ACSM3: variants seen among roughly 807,000 people sequenced by gnomAD.
The protein encoded by ACSM3 is acyl-CoA synthetase medium chain family member 3.
Under a neutral mutation model 74.1 loss-of-function variants are expected in ACSM3, and 61 were observed. The observed-to-expected ratio is 0.82, with a 90% CI of 0.67 to 1.02. ACSM3 has a LOEUF of 1.02. ACSM3 is among the 50% of genes least tolerant of loss of function. The pLI is 0.00. For synonymous variants in ACSM3, 213 were observed against 241.5 expected (o/e 0.88, Z 1.09); for missense variants, 660 against 697.0 (o/e 0.95, Z 0.60).
chr16:20,718,071 G>A (rs1431035398), intron 1 of ACSM3, among the ~76,000 whole-genome samples: 1 of 150,876 alleles, frequency 6.6e-6, no homozygotes, highest in Non-Finnish European at 1.5e-5. Flanking sequence ...TTTTTAGCAG[G>A]GACTGATCTT....
chr16:20,681,011 A>G (rs2152306985), intron 1 of ACSM3: 1 of 152,350 alleles, frequency 6.6e-6, no homozygotes, highest in East Asian at 1.9e-4. Flanking sequence ...AATAGACACA[A>G]ATGTCAAAAA....
At chr16:20,742,109 G>A (rs1458810199) in intron 1 of ACSM3, 1 of 1,219,804 alleles carries the variant, frequency 8.2e-7, no homozygotes, top group Admixed American at 3.3e-5. Flanking sequence ...AATTCTGCCA[G>A]CTACTGTGGA....
chr16:20,734,498 TAGG>T (rs144643260), intron 1 of ACSM3: 3,000 of 152,380 alleles, frequency 0.02, 53 homozygotes, highest in Non-Finnish European at 0.03. Flanking sequence ...AACCACCAGC[TAGG>T]AGGATAAAAA....
intron 1 of ACSM3, among the ~76,000 whole-genome samples, chr16:20,705,343 AGC>A (rs2079723970): frequency 6.7e-6 from 1 of 149,174 alleles, no homozygotes; most frequent in African/African-American, 2.5e-5. Flanking sequence ...ACTGCACTCC[AGC>A]CTGGGCGACA....
intron 10 of ACSM3, among the ~76,000 whole-genome samples, chr16:20,791,408 A>G (rs1384988294): frequency 6.6e-6 from 1 of 152,226 alleles, no homozygotes; most frequent in East Asian, 1.9e-4. Flanking sequence ...TTAGCAAAAG[A>G]CTTAATTTAG....
upstream of ACSM3, among the ~76,000 whole-genome samples, chr16:20,763,315 T>C (rs1317640042): frequency 6.6e-6 from 1 of 152,162 alleles, no homozygotes; most frequent in Non-Finnish European, 1.5e-5. Context: ...AGGGAAGAGT[T>C]ATTTAATAAG....
chr16:20,689,096 T>C (rs2079606946), intron 1 of ACSM3, among the ~76,000 whole-genome samples: 2 of 143,568 alleles, frequency 1.4e-5, no homozygotes, highest in Admixed American at 1.4e-4. Flanking sequence ...ATCAATAACA[T>C]AAAGTGTGGG....
intron 1 of ACSM3, chr16:20,682,351 C>T (rs2079463855): frequency 3.1e-6 from 5 of 1,613,900 alleles, no homozygotes; most frequent in Admixed American, 1.7e-5. Flanking sequence ...CTATGGAGTC[C>T]ACCTCTGAGG....
intron 1 of ACSM3, chr16:20,741,753 T>G (rs1381826605): frequency 1.3e-6 from 2 of 1,559,864 alleles, no homozygotes; most frequent in African/African-American, 1.4e-5. Flanking sequence ...GTGCGCAAAC[T>G]GAGAGGAAAG....
At chr16:20,730,286 A>G (rs991660327) in intron 1 of ACSM3, among the ~76,000 whole-genome samples, 4 of 152,204 alleles carry the variant, frequency 2.6e-5, no homozygotes, top group African/African-American at 9.6e-5. Flanking sequence ...GACAACTGTC[A>G]TGGAACTCAG....
chr16:20,777,736 A>G (rs2080273436), intron 4 of ACSM3, among the ~76,000 whole-genome samples, 156 bp downstream of exon 4: 1 of 152,240 alleles, frequency 6.6e-6, no homozygotes, highest in Admixed American at 6.5e-5. Context: ...TAAACTCTGA[A>G]GTAGGAAGGA....
At chr16:20,725,996 A>G (rs1340102615) in intron 1 of ACSM3, among the ~76,000 whole-genome samples, 1 of 151,904 alleles carries the variant, frequency 6.6e-6, no homozygotes, top group Non-Finnish European at 1.5e-5. Flanking sequence ...GTCCCTAGAC[A>G]CTGCCTAATG....
intron 2 of ACSM3, among the ~76,000 whole-genome samples, chr16:20,752,637 G>A (rs1364445986): frequency 2.0e-5 from 3 of 152,174 alleles, no homozygotes; most frequent in Non-Finnish European, 2.9e-5. Flanking sequence ...GGTAGGGGTC[G>A]AGGGAGATTA....
At chr16:20,787,895 G>A (rs193007181) in intron 9 of ACSM3, among the ~76,000 whole-genome samples, 1 of 152,176 alleles carries the variant, frequency 6.6e-6, no homozygotes, top group Non-Finnish European at 1.5e-5. Flanking sequence ...AATACATCCT[G>A]AAGAACCACC....
At position 20,777,368 on chromosome 16, in the gene ACSM3, T is replaced by C; in HGVS notation, c.431-5T>C. ...CTAAACACTGTTTCTTTTCTGCCCC[T>C]TTAGGGACAGTTTTAATTCCAGGAA... On this transcript the variant is annotated splice_region_variant and splice_polypyrimidine_tract_variant and intron_variant, in intron 3 of 13. Transcript: ENST00000289416. 6.2e-7 allele frequency: 1 copy of C among 1,612,642 alleles called. No individual in the cohort carries two copies. The highest frequency in any genetic ancestry group is 1.7e-5 in the Admixed American group (1 of 59,980).
upstream of ACSM3, among the ~76,000 whole-genome samples, chr16:20,760,849 A>G (rs1336788261): frequency 6.6e-6 from 1 of 152,170 alleles, no homozygotes; most frequent in Admixed American, 6.5e-5. Context: ...TTAACGTCTA[A>G]TAAGAGACAT....
At chr16:20,695,809 T>A (rs2079687040) in intron 1 of ACSM3, among the ~76,000 whole-genome samples, 1 of 152,166 alleles carries the variant, frequency 6.6e-6, no homozygotes, top group African/African-American at 2.4e-5. Flanking sequence ...TAAGCTTCAT[T>A]TCTAAATCTA....
At position 20,797,553 on chromosome 16, in the gene ACSM3, G is replaced by A; in HGVS notation, c.*581G>A. 3 of 1,236,754 alleles carry A rather than the reference G, an allele frequency of 2.4e-6. No individual in the cohort carries two copies. Among genetic ancestry groups the A allele is most frequent in the African/African-American group, 3.1e-5 (2 of 64,096 alleles). The allele number at this position is 1,236,754 out of a possible 1,614,324, so 76.6% of individuals were successfully genotyped here. A position where few individuals can be genotyped will look rare whatever the true frequency, so the allele number is the denominator to read the frequency against. On this transcript the variant is annotated 3_prime_UTR_variant, in exon 14 of 14. Coordinates refer to ENST00000289416, the MANE Select transcript of ACSM3 (RefSeq NM_005622.4). ...CATATACTATTGTTGCTTATTATAT[G>A]TAATCTAATAAATACTGTTTACAAA...
intron 1 of ACSM3, chr16:20,735,426 A>G (rs1245581449): frequency 4.0e-5 from 6 of 151,270 alleles, no homozygotes; most frequent in Admixed American, 1.3e-4. Context: ...TGATACAGGT[A>G]ACCAGTTTTG....
Sources: gnomAD v4.1 joint callset for allele counts (sites outside exome capture counted in the v4.1 genomes callset) on GRCh38, gnomAD v4.1.1 for gene constraint, MANE v1.5 for transcripts, NCBI Gene and HGNC (gene_info 2026-07-23, HGNC 2026-07-21) for gene names.